The following AGTPBP1 variants were observed in gnomAD, a reference collection of about 807,000 sequenced individuals.
AGTPBP1 encodes the protein cytosolic carboxypeptidase 1.
AGTPBP1 carries 70 observed loss-of-function variants against 143.9 expected under a neutral mutation model. That is an observed-to-expected ratio of 0.49 (90% CI 0.40 to 0.59). The LOEUF is 0.59. Among genes scored for constraint, AGTPBP1 ranks in the 20% least tolerant of loss-of-function variants. The pLI, the probability that AGTPBP1 is intolerant of heterozygous loss-of-function variation, is 0.00. For synonymous variants in AGTPBP1, 463 were observed against 500.2 expected (o/e 0.93, Z 0.99); for missense variants, 1,229 against 1,464.5 (o/e 0.84, Z 2.62).
At chr9:85,706,509 CAAA>C (rs781239393) in intron 2 of AGTPBP1, among the ~76,000 whole-genome samples, 8 of 62,230 alleles carry the variant, frequency 1.3e-4, no homozygotes, top group Admixed American at 3.6e-4. Context: ...GACTCTGTCT[CAAA>C]AAAAAAAAAA....
At chr9:85,604,832 A>G (rs866246273) in intron 17 of AGTPBP1, among the ~76,000 whole-genome samples, 14 of 152,178 alleles carry the variant, frequency 9.2e-5, no homozygotes, top group Non-Finnish European at 2.1e-4. Flanking sequence ...GAAAAGTTCA[A>G]CTGACATACT....
chr9:85,754,478 A>C, the AGTPBP1 span, among the ~76,000 whole-genome samples: 1 of 152,200 alleles, frequency 6.6e-6, no homozygotes, highest in Non-Finnish European at 1.5e-5. Flanking sequence ...CACCGCGCCC[A>C]GCCAAAGACA....
At chr9:85,748,592 T>C in the AGTPBP1 span, among the ~76,000 whole-genome samples, 1 of 152,208 alleles carries the variant, frequency 6.6e-6, no homozygotes, top group Non-Finnish European at 1.5e-5. Flanking sequence ...AAAAATGTAG[T>C]TCTCCAATGT....
chr9:85,556,850 C>T (rs1296815706), intron 25 of AGTPBP1, among the ~76,000 whole-genome samples: 5 of 152,114 alleles, frequency 3.3e-5, no homozygotes, highest in Admixed American at 3.3e-4. Flanking sequence ...GACACATTCG[C>T]AGTGATAGGG....
In AGTPBP1 at chr9:85,632,911, A is replaced by C; in HGVS notation, c.1766T>G (p.Leu589Arg). 2 of 1,614,138 alleles carry C rather than the reference A, an allele frequency of 1.2e-6. No homozygotes were observed. Among genetic ancestry groups the C allele is most frequent in the Non-Finnish European group, 1.7e-6 (2 of 1,180,024 alleles). ...AACTCCAGTGCAGCAAAGCTTCCCT[A>C]GCTGAACTGTTCTTCCCTCAAACAG... The part of the protein sequence containing the change: ...NVLFEGRTVQ[L>R]GKLCCTGVET... Residue 589 changes from leucine (L) to arginine (R), a missense_variant, in exon 14 of 26, where the codon CTA becomes CGA. Transcript: ENST00000357081.
At chr9:85,657,405 A>C (rs779212926) in intron 10 of AGTPBP1, 30 bp downstream of exon 10, 2 of 1,539,594 alleles carry the variant, frequency 1.3e-6, no homozygotes, top group East Asian at 2.3e-5. Flanking sequence ...ATTAGTACAT[A>C]ATCACAATAA....
intron 2 of AGTPBP1, among the ~76,000 whole-genome samples, chr9:85,701,499 G>A (rs181093009): frequency 2.0e-4 from 31 of 152,190 alleles, no homozygotes; most frequent in Middle Eastern, 3.4e-3. Context: ...CAAAGTGCTG[G>A]GATTACAGGC....
rs368326859 is a variant in AGTPBP1, at chr9:85,632,920, G to A, written c.1757C>T (p.Thr586Ile). Residue 586 changes from threonine (T) to isoleucine (I), a missense_variant, in exon 14 of 26, where the codon ACA (threonine) becomes ATA (isoleucine). Thr to Ile is a moderately conservative substitution (Grantham distance 89). Coordinates refer to ENST00000357081, the MANE Select transcript of AGTPBP1 (RefSeq NM_001330701.2). ...TCGNVLFEGR[T>I]VQLGKLCCTG... is the part of the protein sequence containing the mutation. ...GCAGCAAAGCTTCCCTAGCTGAACTGTTCTTCCCTCAAACAGAACATTTCC... is the reference window on the plus strand; with the variant it reads ...GCAGCAAAGCTTCCCTAGCTGAACTATTCTTCCCTCAAACAGAACATTTCC... 13 of 1,613,994 alleles carry A rather than the reference G, an allele frequency of 8.1e-6. No individual in the cohort carries two copies. The highest frequency in any genetic ancestry group is 5.0e-5 in the Admixed American group (3 of 59,986).
chr9:85,726,167 C>G (rs921996550), intron 1 of AGTPBP1, among the ~76,000 whole-genome samples: 29 of 146,288 alleles, frequency 2.0e-4, no homozygotes, highest in African/African-American at 6.8e-4. Context: ...AAGATTGAGG[C>G]TACAGTGAGT....
chr9:85,718,294 A>C (rs559603461), intron 1 of AGTPBP1, among the ~76,000 whole-genome samples: 51 of 152,280 alleles, frequency 3.3e-4, no homozygotes, highest in African/African-American at 1.1e-3. Context: ...CCAACAGTGT[A>C]AGTGTTCCTA....
the AGTPBP1 span, among the ~76,000 whole-genome samples, chr9:85,766,087 G>T: frequency 5.3e-4 from 80 of 151,020 alleles, no homozygotes; most frequent in African/African-American, 1.9e-3. Flanking sequence ...AATTCTGCCT[G>T]CCTGTGACTA....
In AGTPBP1 at chr9:85,566,627, C is replaced by G. The variant is rs552316310; in HGVS notation, c.3503+8688G>C. On this transcript the variant is annotated intron_variant, in intron 25 of 25. Transcript: ENST00000357081. ...GACAGAGCAATGATTAGGTAAAATA[C>G]AAAATAGGATGACAAAAAAGACACA... Among the ~76,000 whole-genome samples the G allele has an allele frequency of 6.7e-5, 10 of 148,282 alleles. No homozygotes were observed. The South Asian group carries it at 2.1e-3, about 32-fold the overall frequency.
rs553017090 is a variant in AGTPBP1, at chr9:85,673,206, T to C, written c.437-525A>G. ...CATCCCTTTTATTTTAAAACATTAG[T>C]TGAAAGAATGTACTAAGAAACAGAC... On this transcript the variant is annotated intron_variant, in intron 6 of 25. Transcript: ENST00000357081. Among the ~76,000 whole-genome samples the C allele has an allele frequency of 2.6e-5, 4 of 152,164 alleles. 1 individual carries two copies. Among genetic ancestry groups the C allele is most frequent in the African/African-American group, 7.2e-5 (3 of 41,502 alleles).
chr9:85,591,531 C>A (rs1283051603), intron 19 of AGTPBP1, among the ~76,000 whole-genome samples: 2 of 152,052 alleles, frequency 1.3e-5, no homozygotes, highest in African/African-American at 2.4e-5. Flanking sequence ...CAGTAAAGAA[C>A]AATAACATAA....
In AGTPBP1 at chr9:85,741,916, G is replaced by C; in HGVS notation, c.-175C>G. ...GGCAGGCGAGGCGGAGGCGGCGGCG[G>C]CGGCAGCTGCGGCGGCGGCGCTGGA... On this transcript the variant is annotated 5_prime_UTR_variant, in exon 1 of 26. Transcript: ENST00000357081. The C allele has an allele frequency of 7.6e-7, 1 of 1,321,568 alleles. No individual in the cohort carries two copies. The highest frequency in any genetic ancestry group is 9.6e-7 in the Non-Finnish European group (1 of 1,040,112). The allele number at this position is 1,321,568 out of a possible 1,614,324, so 81.9% of individuals were successfully genotyped here.
rs139365634 is a variant in AGTPBP1, at chr9:85,727,197, C to A, written c.-34+14578G>T. ...CAAAAATCAGCCGGGCATGGTGGCA[C>A]GCACCTGTAATCCCAGCTACTCGGG... On this transcript the variant is annotated intron_variant, in intron 1 of 25. Transcript: ENST00000357081. Among the ~76,000 whole-genome samples the A allele has an allele frequency of 2.4e-4, 36 of 152,110 alleles. 1 individual carries two copies. Among genetic ancestry groups the A allele is most frequent in the African/African-American group, 7.0e-4 (29 of 41,502 alleles).
At chr9:85,765,998 A>G in the AGTPBP1 span, among the ~76,000 whole-genome samples, 2,571 of 152,154 alleles carry the variant, frequency 0.017, 85 homozygotes, top group African/African-American at 0.059. Flanking sequence ...TGTCCTCCCA[A>G]GGTGTTAAAT....
chr9:85,729,078 G>T (rs1249113941), intron 1 of AGTPBP1, among the ~76,000 whole-genome samples: 1 of 152,190 alleles, frequency 6.6e-6, no homozygotes, highest in African/African-American at 2.4e-5. Flanking sequence ...CCAATGGAAT[G>T]AAAGTCCAGA....
chr9:85,750,867 G>C, the AGTPBP1 span, among the ~76,000 whole-genome samples: 1 of 152,140 alleles, frequency 6.6e-6, no homozygotes, highest in Non-Finnish European at 1.5e-5. Flanking sequence ...TAGGCATTCC[G>C]TCTAGCTTGC....
Sources: gnomAD v4.1 joint callset for allele counts (sites outside exome capture counted in the v4.1 genomes callset) on GRCh38, gnomAD v4.1.1 for gene constraint, MANE v1.5 for transcripts, NCBI Gene and HGNC (gene_info 2026-07-23, HGNC 2026-07-21) for gene names.